The following LRRC45 variants were observed in gnomAD, a reference collection of about 807,000 sequenced individuals.
LRRC45 encodes the protein leucine-rich repeat-containing protein 45.
LRRC45 carries 73 observed loss-of-function variants against 85.4 expected under a neutral mutation model. The ratio of observed to expected loss-of-function variants is 0.85; its 90% CI spans 0.71 to 1.04. The LOEUF is 1.04. Ranked by LOEUF, LRRC45 falls within the 50% of genes least tolerant of loss-of-function variation. The pLI, the probability that LRRC45 is intolerant of heterozygous loss-of-function variation, is 0.00. For synonymous variants in LRRC45, 429 were observed against 386.0 expected, an observed-to-expected ratio of 1.11 and a Z score of -1.31; for missense variants, 937 against 883.3, an observed-to-expected ratio of 1.06 and a Z score of -0.77.
chr17:82,027,984 C>CG (rs764588195), intron 8 of LRRC45, 27 bp from the exon 9 acceptor site: 14 of 1,577,518 alleles, frequency 8.9e-6, no homozygotes, highest in Non-Finnish European at 1.2e-5. Context: ...CCAACCGGGG[C>CG]GGGGGTGCTG....
At chr17:82,026,177 C>T (rs2043366359) in intron 5 of LRRC45, among the ~76,000 whole-genome samples, 1 of 152,262 alleles carries the variant, frequency 6.6e-6, no homozygotes. Flanking sequence ...GTTGTCATCC[C>T]TCCTGACCTC....
At position 82,028,630 on chromosome 17, in the gene LRRC45, A is replaced by G. The variant is rs777728784; in HGVS notation, c.1255A>G (p.Lys419Glu). ...IQAEERLDMEKRRCRQSLEDS... is the reference protein window; with the variant it reads ...IQAEERLDMEERRCRQSLEDS... ...GCTTCCAGAGCGCCTGGACATGGAG[A>G]AGAGAAGATGCAGACAGAGCCTGGA... The change falls in exon 12 of 17, where the codon AAG becomes GAG. Residue 419 changes from lysine (K) to glutamate (E), a missense_variant. Coordinates refer to ENST00000306688, the MANE Select transcript of LRRC45 (RefSeq NM_144999.4). The G allele has an allele frequency of 1.9e-6, 3 of 1,612,864 alleles. No individual in the cohort carries two copies. Among genetic ancestry groups the G allele is most frequent in the Non-Finnish European group, 2.5e-6 (3 of 1,179,932 alleles).
chr17:82,028,876 T>C, intron 12 of LRRC45, 193 bp downstream of exon 12: 1 of 744,096 alleles, frequency 1.3e-6, no homozygotes. Context: ...CGGCAATGTC[T>C]GAGCCGTAGT....
chr17:82,028,832 C>A lies in LRRC45; in HGVS notation c.1308+149C>A, dbSNP rs556728207. ...TTGCCAGCCTGAGCGGATGTCAGAC[C>A]CAGAACCTCCTATTGGGGGCGGCGG... is the stretch of plus-strand genomic sequence containing the variant. On this transcript the variant is annotated intron_variant, in intron 12 of 16. Coordinates refer to ENST00000306688, the MANE Select transcript of LRRC45 (RefSeq NM_144999.4). 1.0e-4 allele frequency: 95 copies of A among 936,974 alleles called. No homozygotes were observed. The African/African-American group carries it at 1.4e-3, about 14-fold the overall frequency. The allele number at this position is 936,974 out of a possible 1,614,324, so 58.0% of individuals were successfully genotyped here.
chr17:82,028,279 G>T lies in LRRC45; in HGVS notation c.1093G>T (p.Ala365Ser). ...ESKLLRDLSAANEKNLLLQNQ... is the reference protein window; with the variant it reads ...ESKLLRDLSASNEKNLLLQNQ... ...TAAACTCCTCAGAGACTTGTCTGCT[G>T]CCAATGAAAAGAACCTGCTTCTGCA... The change falls in exon 10 of 17, where the codon GCC becomes TCC. Residue 365 changes from alanine to serine, a missense_variant. Transcript: ENST00000306688. The T allele has an allele frequency of 6.3e-7, 1 of 1,584,886 alleles. No individual in the cohort carries two copies.
At position 82,025,410 on chromosome 17, in the gene LRRC45, G is replaced by C. The variant is rs1456132801; in HGVS notation, c.564G>C (p.Gly188=). The C allele has an allele frequency of 8.1e-6, 13 of 1,598,902 alleles. No homozygotes were observed. Among genetic ancestry groups the C allele is most frequent in the Non-Finnish European group, 1.1e-5 (13 of 1,172,424 alleles). The change falls in exon 5 of 17, where the codon GGG becomes GGC. Residue 188 remains glycine, a synonymous_variant. Coordinates refer to ENST00000306688, the MANE Select transcript of LRRC45 (RefSeq NM_144999.4). ...GCTGGAATAACGTTGGCCTCCTGGG[G>C]GGCCGGGCCCTCATGAACTGTCTCC... is the stretch of plus-strand genomic sequence containing the variant. ...DLRWNNVGLL[G]GRALMNCLPS... is the part of the protein sequence containing the mutation.
At chr17:82,027,608 G>C in intron 7 of LRRC45, 66 bp from the exon 8 acceptor site, 1 of 1,551,146 alleles carries the variant, frequency 6.4e-7, no homozygotes, top group Admixed American at 1.8e-5. Context: ...CAGCTACCGA[G>C]GCCAGAGGGG....
Position 82,030,734 on chromosome 17 carries a change from A to G in LRRC45, c.1942A>G (p.Ser648Gly). 1 of 1,487,730 alleles carries G rather than the reference A, an allele frequency of 6.7e-7. No individual in the cohort carries two copies. The highest frequency in any genetic ancestry group is 1.4e-5 in the African/African-American group (1 of 69,962). 92.2% of individuals were successfully genotyped at this position (1,487,730 alleles called of 1,614,324 possible). A position where few individuals can be genotyped will look rare whatever the true frequency, so the allele number is the denominator to read the frequency against. ...RIRDEEAQRA[S>G]FLQNAVLAYV... ...CCGGGACGAGGAGGCCCAGAGGGCG[A>G]GCTTCCTGCAGAACGCCGTCCTGGC... is the stretch of plus-strand genomic sequence containing the variant. Residue 648 changes from serine (S) to glycine (G), a missense_variant, in exon 17 of 17, where the codon AGC (serine) becomes GGC (glycine). Physicochemically the swap from Ser to Gly is moderately conservative, Grantham distance 56 (BLOSUM62 0). Transcript: ENST00000306688.
At chr17:82,026,395 G>A (rs1178336314) in intron 5 of LRRC45, among the ~76,000 whole-genome samples, 1 of 152,106 alleles carries the variant, frequency 6.6e-6, no homozygotes, top group African/African-American at 2.4e-5. Context: ...CTCACAGCCC[G>A]AACCCCACAA....
rs1209872664 is a variant in LRRC45 at position 82,027,807 on chromosome 17, G to A, written c.911+56G>A. 189 of 1,582,550 alleles carry A rather than the reference G, an allele frequency of 1.2e-4. 1 individual carries two copies. The highest frequency in any genetic ancestry group is 7.9e-5 in the Non-Finnish European group (92 of 1,159,842). On this transcript the variant is annotated intron_variant, in intron 8 of 16. Transcript: ENST00000306688. ...GAGACGTGCCCACAGGGCAGAGAAA[G>A]GTGGTGTGAACCTGTGTGCAAGTCC...
At chr17:82,027,914 G>T in intron 8 of LRRC45, 97 bp from the exon 9 acceptor site, 1 of 1,530,634 alleles carries the variant, frequency 6.5e-7, no homozygotes, top group East Asian at 2.3e-5. Context: ...TGCTGGCTGG[G>T]GTTGACTAGG....
At chr17:82,029,006 A>G (rs1598456181) in intron 12 of LRRC45, 87 bp from the exon 13 acceptor site, 1 of 1,231,976 alleles carries the variant, frequency 8.1e-7, no homozygotes, top group South Asian at 1.4e-5. Flanking sequence ...CTCAAGAGAC[A>G]CCTGCCTTTC....
At position 82,029,999 on chromosome 17, in the gene LRRC45, C is replaced by T. The variant is rs1187465283; in HGVS notation, c.1495-66C>T. On this transcript the variant is annotated intron_variant, in intron 14 of 16. Coordinates refer to ENST00000306688, the MANE Select transcript of LRRC45 (RefSeq NM_144999.4). ...GCAGAGAGGTGGGGTCGTGCCCGTG[C>T]AGACATTCCCTCAGCTGAGCTCAGG... 3.8e-5 allele frequency: 55 copies of T among 1,459,352 alleles called. No homozygotes were observed. In the South Asian group the frequency reaches 6.3e-4, roughly 17 times the overall value. The allele number at this position is 1,459,352 out of a possible 1,614,324, so 90.4% of individuals were successfully genotyped here. A position where few individuals can be genotyped will look rare whatever the true frequency, so the allele number is the denominator to read the frequency against.
intron 2 of LRRC45, 93 bp from the exon 3 acceptor site, chr17:82,024,600 T>C (rs564113757): frequency 2.0e-5 from 28 of 1,401,160 alleles, no homozygotes; most frequent in African/African-American, 2.9e-5. Flanking sequence ...CACCCCAGGC[T>C]TGTCCCCTGG....
chr17:82,028,195 T>C, intron 9 of LRRC45, 39 bp from the exon 10 acceptor site: 2 of 1,560,270 alleles, frequency 1.3e-6, no homozygotes, highest in African/African-American at 1.4e-5. Context: ...GCGTGGCGGC[T>C]TCGTGACCCT....
rs772865202 is a variant in LRRC45 at position 82,024,686 on chromosome 17, C to T, written c.283-7C>T. 6.4e-7 allele frequency: 1 copy of T among 1,570,962 alleles called. No individual in the cohort carries two copies. The highest frequency in any genetic ancestry group is 8.6e-7 in the Non-Finnish European group (1 of 1,162,434). On this transcript the variant is annotated splice_polypyrimidine_tract_variant and splice_region_variant and intron_variant, in intron 2 of 16. Transcript: ENST00000306688. ...CGCGAGTGACTACCGGCCTGTTTCTCTCCTAGGGCAACAACCTTCGGGCTG... is the reference window on the plus strand; with the variant it reads ...CGCGAGTGACTACCGGCCTGTTTCTTTCCTAGGGCAACAACCTTCGGGCTG...
Position 82,028,699 on chromosome 17 carries a change from G to A in LRRC45, c.1308+16G>A. ...CATCAAGGAGGTGCCCTCTTCGTTG[G>A]CCTCTAATGCGCCTCAGTCTCTGGT... On this transcript the variant is annotated intron_variant, in intron 12 of 16. Coordinates refer to ENST00000306688, the MANE Select transcript of LRRC45 (RefSeq NM_144999.4). 1.2e-6 allele frequency: 2 copies of A among 1,604,576 alleles called. No individual in the cohort carries two copies. Among genetic ancestry groups the A allele is most frequent in the Non-Finnish European group, 1.7e-6 (2 of 1,175,996 alleles).
rs370680911 is a variant in LRRC45 at position 82,023,715 on chromosome 17, G to A, written c.72G>A (p.Leu24=). 3.4e-5 allele frequency: 53 copies of A among 1,550,324 alleles called. No homozygotes were observed. The highest frequency in any genetic ancestry group is 4.2e-5 in the Non-Finnish European group (48 of 1,152,722). The part of the protein sequence containing the change: ...ESGAEPQEAV[L]QQLHQLPRGR... ...GGGCCGAGCCCCAGGAGGCTGTCCT[G>A]CAGCAGCTGCACCAGCTTCCCAGGG... is the stretch of plus-strand genomic sequence containing the variant. The change falls in exon 1 of 17, where the codon CTG becomes CTA. Residue 24 remains leucine (L), a synonymous_variant. Transcript: ENST00000306688.
chr17:82,028,520 C>T lies in LRRC45; in HGVS notation c.1237+12C>T, dbSNP rs748922949. ...CATCCAGGCCGAGGGTGGGCACGGG[C>T]AGGCCTGCTGTGGAGGGGCCTGGGG... On this transcript the variant is annotated intron_variant, in intron 11 of 16. Coordinates refer to ENST00000306688, the MANE Select transcript of LRRC45 (RefSeq NM_144999.4). 1 of 1,612,058 alleles carries T rather than the reference C, an allele frequency of 6.2e-7. No homozygotes were observed.
Sources: gnomAD v4.1 joint callset for allele counts (sites outside exome capture counted in the v4.1 genomes callset) on GRCh38, gnomAD v4.1.1 for gene constraint, MANE v1.5 for transcripts, NCBI Gene and HGNC (gene_info 2026-07-23, HGNC 2026-07-21) for gene names.